The following DNAH14 variants were observed in gnomAD, a reference collection of about 807,000 sequenced individuals.
DNAH14 encodes the protein axonemal beta dynein heavy chain 14.
In DNAH14, 478 loss-of-function variants were observed where a neutral mutation model predicts 520.9. The observed-to-expected ratio is 0.92, with a 90% confidence interval of 0.85 to 0.99. The LOEUF (loss-of-function observed/expected upper bound fraction) is 0.99, where lower values mean the gene tolerates loss of function less well. Among genes scored for constraint, DNAH14 ranks in the 50% least tolerant of loss-of-function variants. The pLI is 0.00. For synonymous variants in DNAH14, 1,581 were observed against 1,757.2 expected, an observed-to-expected ratio of 0.90 and a Z score of 2.51; for missense variants, 4,831 against 5,234.5, an observed-to-expected ratio of 0.92 and a Z score of 2.38.
At chr1:225,275,466 G>A (rs2093443863) in intron 52 of DNAH14, among the ~76,000 whole-genome samples, 1 of 152,186 alleles carries the variant, frequency 6.6e-6, no homozygotes, top group Admixed American at 6.5e-5. Context: ...CATGACCTTG[G>A]TGTGAAAGAT....
At chr1:225,259,395 C>CT (rs2092853790) in intron 46 of DNAH14, 142 bp downstream of exon 46, 3 of 585,542 alleles carry the variant, frequency 5.1e-6, no homozygotes, top group Admixed American at 4.2e-5. Flanking sequence ...GAAGAAAATC[C>CT]TTTTTTTCCT....
intron 64 of DNAH14, among the ~76,000 whole-genome samples, chr1:225,330,350 A>T (rs896687674): frequency 6.6e-6 from 1 of 152,230 alleles, no homozygotes; most frequent in African/African-American, 2.4e-5. Context: ...AGATAACTGC[A>T]CTTCCATGTT....
At chr1:225,205,785 A>G (rs770985422) in intron 39 of DNAH14, among the ~76,000 whole-genome samples, 186 bp from the exon 40 acceptor site, 12 of 152,240 alleles carry the variant, frequency 7.9e-5, no homozygotes, top group Non-Finnish European at 1.3e-4. Context: ...TATTAAGTAT[A>G]CTGTATAAAT....
At chr1:225,127,286 C>G (rs569014682) in intron 27 of DNAH14, among the ~76,000 whole-genome samples, 54 of 151,882 alleles carry the variant, frequency 3.6e-4, no homozygotes, top group Non-Finnish European at 6.3e-4. Flanking sequence ...TCTCGTTGAT[C>G]TGTCTAATGT....
intron 36 of DNAH14, among the ~76,000 whole-genome samples, chr1:225,175,740 G>C (rs1047601490): frequency 8.2e-5 from 9 of 109,664 alleles, no homozygotes; most frequent in African/African-American, 3.3e-4. Context: ...GTATCACTCT[G>C]TCCCCCTAAC....
At chr1:225,198,548 T>C (rs1309214849) in intron 38 of DNAH14, among the ~76,000 whole-genome samples, 1 of 152,162 alleles carries the variant, frequency 6.6e-6, no homozygotes, top group Non-Finnish European at 1.5e-5. Flanking sequence ...AGACTTTTAA[T>C]CATAAAGCAA....
intron 27 of DNAH14, 38 bp from the exon 28 acceptor site, chr1:225,140,730 G>A: frequency 7.8e-7 from 1 of 1,280,294 alleles, no homozygotes. Context: ...TATATATATA[G>A]AGAGAGATAT....
At chr1:225,264,405 C>A in intron 47 of DNAH14, 144 bp downstream of exon 47, 3 of 735,546 alleles carry the variant, frequency 4.1e-6, no homozygotes, top group Non-Finnish European at 6.6e-6. Flanking sequence ...CTATCCCACA[C>A]CCTCTCAAAC....
intron 83 of DNAH14, among the ~76,000 whole-genome samples, chr1:225,391,402 G>A (rs2095910851): frequency 6.6e-6 from 1 of 152,154 alleles, no homozygotes; most frequent in South Asian, 2.1e-4. Flanking sequence ...AGCCCAGGAG[G>A]TCGAGGCTGC....
intron 2 of DNAH14, chr1:224,952,994 C>A (rs938242971): frequency 9.1e-6 from 3 of 330,952 alleles, no homozygotes; most frequent in Non-Finnish European, 1.7e-5. Context: ...CCCAGACCAA[C>A]CTTGGATATG....
intron 41 of DNAH14, among the ~76,000 whole-genome samples, chr1:225,221,112 C>G (rs939470327): frequency 6.6e-6 from 1 of 152,112 alleles, no homozygotes; most frequent in African/African-American, 2.4e-5. Context: ...ATGCAGAAAA[C>G]TGAAACTGGA....
At chr1:225,351,589 A>T in intron 71 of DNAH14, 58 bp from the exon 72 acceptor site, 1 of 1,282,314 alleles carries the variant, frequency 7.8e-7, no homozygotes, top group Non-Finnish European at 1.1e-6. Flanking sequence ...TTTGTAATGA[A>T]TAACTAAAAG....
intron 1 of DNAH14, among the ~76,000 whole-genome samples, chr1:224,945,640 G>T (rs1282348213): frequency 6.6e-6 from 1 of 152,276 alleles, no homozygotes; most frequent in Non-Finnish European, 1.5e-5. Context: ...TTTGGTCTTT[G>T]ATGATGGTGA....
At chr1:224,962,184 G>C (rs2060888059) in intron 4 of DNAH14, among the ~76,000 whole-genome samples, 1 of 152,078 alleles carries the variant, frequency 6.6e-6, no homozygotes, top group Non-Finnish European at 1.5e-5. Flanking sequence ...TGGTGTACAT[G>C]CTTTGTATAA....
At chr1:224,942,854 C>A (rs1190755830) in intron 1 of DNAH14, among the ~76,000 whole-genome samples, 1 of 152,042 alleles carries the variant, frequency 6.6e-6, no homozygotes, top group Non-Finnish European at 1.5e-5. Context: ...GGGATGAAGC[C>A]CACTTGATCA....
intron 36 of DNAH14, among the ~76,000 whole-genome samples, chr1:225,175,045 A>T (rs1006370887): frequency 1.3e-5 from 2 of 152,138 alleles, no homozygotes; most frequent in Non-Finnish European, 2.9e-5. Context: ...ATGGTTAATG[A>T]TCTTTTTAAT....
chr1:225,141,164 CTGAGTA>C, intron 28 of DNAH14, 143 bp downstream of exon 28: 1 of 770,772 alleles, frequency 1.3e-6, no homozygotes, highest in Non-Finnish European at 2.0e-6. Context: ...CTGTACCAAT[CTGAGTA>C]TATTAGTCCC....
chr1:225,073,808 C>T (rs1234562284), intron 17 of DNAH14, among the ~76,000 whole-genome samples: 1 of 151,898 alleles, frequency 6.6e-6, no homozygotes, highest in East Asian at 1.9e-4. Flanking sequence ...GCCTCAGCCT[C>T]CCAAGAAGCT....
rs549481661 is a variant in DNAH14, at chr1:225,257,521, ACTTTT to A, written c.6866-428_6866-424del. On this transcript the variant is annotated intron_variant, in intron 44 of 85. Transcript: ENST00000682510. ...ATATTTTATTTCTGCATAGCCATGT[ACTTTT>A]CTTTTCTTTTTTTTCTTTCTTTTTT... 8.6e-5 allele frequency among the ~76,000 whole-genome samples: 13 copies of A among 151,960 alleles called. No individual in the cohort carries two copies. The South Asian group carries it at 1.2e-3, about 15-fold the overall frequency.
Sources: allele counts gnomAD v4.1 joint callset (sites outside exome capture counted in the v4.1 genomes callset), GRCh38; gene constraint gnomAD v4.1.1; transcripts MANE v1.5; gene names NCBI Gene and HGNC (gene_info 2026-07-23, HGNC 2026-07-21).